Variants in FAM120A observed in about 807,000 individuals in gnomAD.
FAM120A encodes the protein family with sequence similarity 120 member A.
Under a neutral mutation model 109.7 loss-of-function variants are expected in FAM120A, and 15 were observed. The ratio of observed to expected loss-of-function variants is 0.14; its 90% CI spans 0.09 to 0.21. The LOEUF (loss-of-function observed/expected upper bound fraction) is 0.21. Among genes scored for constraint, FAM120A ranks in the 10% least tolerant of loss-of-function variants. FAM120A has a pLI of 1.00. For synonymous variants in FAM120A, 493 were observed against 572.8 expected, an observed-to-expected ratio of 0.86 and a Z score of 1.99; for missense variants, 899 against 1,439.3, an observed-to-expected ratio of 0.62 and a Z score of 6.07.
Position 93,532,915 on chromosome 9 carries a change from A to G in FAM120A, c.1909+586A>G, listed in dbSNP as rs1861384415. 6.6e-6 allele frequency among the ~76,000 whole-genome samples: 1 copy of G among 152,194 alleles called. No homozygotes were observed. Among genetic ancestry groups the G allele is most frequent in the Non-Finnish European group, 1.5e-5 (1 of 68,030 alleles). ...TCTGGGAGTGGGGGGTGCAGGTGGA[A>G]ACACTGAAAAGGATTGTTTGAAAAG... On this transcript the variant is annotated intron_variant, in intron 10 of 17. Transcript: ENST00000277165. This position sits in a 1 kb window ranked among gnomAD's most constrained non-coding sequence, Gnocchi z 4.3.
chr9:93,475,055 G>A (rs542934370), intron 2 of FAM120A, among the ~76,000 whole-genome samples: 1 of 152,336 alleles, frequency 6.6e-6, no homozygotes, highest in East Asian at 1.9e-4. Flanking sequence ...TACAGGTGGA[G>A]TGTCCCTTAT....
intron 1 of FAM120A, among the ~76,000 whole-genome samples, chr9:93,463,356 T>A (rs1857877885): frequency 6.6e-6 from 1 of 152,212 alleles, no homozygotes; most frequent in Admixed American, 6.5e-5. Flanking sequence ...CTGTACCCAA[T>A]TCTCATTTAT....
chr9:93,527,614 ATT>A (rs67894788), intron 8 of FAM120A, among the ~76,000 whole-genome samples: 16 of 80,698 alleles, frequency 2.0e-4, no homozygotes, highest in African/African-American at 3.0e-4. Context: ...TTTGTATTTA[ATT>A]TTTTTTTTTT....
intron 1 of FAM120A, among the ~76,000 whole-genome samples, chr9:93,455,034 C>T (rs1335801863): frequency 6.6e-6 from 1 of 152,214 alleles, no homozygotes; most frequent in East Asian, 1.9e-4. Context: ...AGCAATTCCA[C>T]TCCTGGGTAT....
chr9:93,547,916 C>G (rs1861946261), intron 11 of FAM120A, among the ~76,000 whole-genome samples: 1 of 152,118 alleles, frequency 6.6e-6, no homozygotes, highest in South Asian at 2.1e-4. Flanking sequence ...TTCAGAGGAC[C>G]TATGATGAGA....
intron 3 of FAM120A, among the ~76,000 whole-genome samples, chr9:93,486,448 A>C (rs1048239639): frequency 3.3e-5 from 5 of 151,692 alleles, no homozygotes; most frequent in Admixed American, 6.6e-5. Flanking sequence ...TTCATTTTCC[A>C]TGTGTATATG....
At chr9:93,513,825 G>C (rs112543622) in intron 5 of FAM120A, among the ~76,000 whole-genome samples, 7,237 of 152,272 alleles carry the variant, frequency 0.048, 247 homozygotes, top group Non-Finnish European at 0.076. Flanking sequence ...GTCTCACCAC[G>C]CCCAGTGTTG....
intron 1 of FAM120A, among the ~76,000 whole-genome samples, chr9:93,467,498 G>A (rs1320846333): frequency 3.3e-5 from 5 of 152,164 alleles, no homozygotes; most frequent in African/African-American, 1.2e-4. Flanking sequence ...CTGGGGCAGA[G>A]CTGGAGCGTA....
At chr9:93,492,463 G>A (rs1359017115) in intron 3 of FAM120A, among the ~76,000 whole-genome samples, 1 of 152,146 alleles carries the variant, frequency 6.6e-6, no homozygotes, top group Non-Finnish European at 1.5e-5. Flanking sequence ...TGGCAGGGGT[G>A]GGGTTTGTTG....
intron 7 of FAM120A, among the ~76,000 whole-genome samples, chr9:93,522,883 A>G (rs1860902902): frequency 6.6e-6 from 1 of 152,254 alleles, no homozygotes; most frequent in Non-Finnish European, 1.5e-5. Context: ...AACCACAGGA[A>G]GGCAGGCTGT....
rs775108299 is a variant in FAM120A at position 93,532,323 on chromosome 9, C to G, written c.1903C>G (p.Pro635Ala). 1 of 1,614,080 alleles carries G rather than the reference C, an allele frequency of 6.2e-7. No homozygotes were observed. Among genetic ancestry groups the G allele is most frequent in the Admixed American group, 1.7e-5 (1 of 60,024 alleles). ...RLAFRKNRLP[P>A]EFSPVIIKEW... ...TGCTTTTAGAAAGAACAGACTTCCA[C>G]CAGAATGTATGTACTGTAACAATCC... The change falls in exon 10 of 18, where the codon CCA becomes GCA. Residue 635 changes from proline to alanine, a missense_variant. Transcript: ENST00000277165. This position sits in a 1 kb window ranked among gnomAD's most constrained non-coding sequence, Gnocchi z 4.3.
intron 11 of FAM120A, among the ~76,000 whole-genome samples, chr9:93,547,927 A>G (rs1325911028): frequency 6.6e-6 from 1 of 152,090 alleles, no homozygotes; most frequent in African/African-American, 2.4e-5. Flanking sequence ...TATGATGAGA[A>G]GGGTCTAAAC....
chr9:93,496,566 A>C (rs1463496177), intron 3 of FAM120A, among the ~76,000 whole-genome samples: 1 of 152,178 alleles, frequency 6.6e-6, no homozygotes, highest in Non-Finnish European at 1.5e-5. Context: ...CGAGCATCTG[A>C]GGCCCTGTCA....
chr9:93,495,082 G>T (rs1050410308), intron 3 of FAM120A, among the ~76,000 whole-genome samples: 1 of 152,160 alleles, frequency 6.6e-6, no homozygotes, highest in Admixed American at 6.6e-5. Flanking sequence ...CTACAGGGGG[G>T]CCAGCAGCAG....
chr9:93,481,125 A>G (rs952272097), intron 3 of FAM120A, among the ~76,000 whole-genome samples: 15 of 152,236 alleles, frequency 9.9e-5, no homozygotes, highest in African/African-American at 3.1e-4. Flanking sequence ...GGTGCCCTGC[A>G]TAGCTGGTGT....
chr9:93,502,738 T>C (rs1191069964), intron 5 of FAM120A, among the ~76,000 whole-genome samples: 2 of 152,236 alleles, frequency 1.3e-5, no homozygotes, highest in East Asian at 3.8e-4. Context: ...CTGGAAATGG[T>C]TGTGATTTGT....
intron 5 of FAM120A, among the ~76,000 whole-genome samples, chr9:93,505,884 A>C (rs1199734582): frequency 8.7e-6 from 1 of 115,394 alleles, no homozygotes; most frequent in Non-Finnish European, 1.9e-5. Context: ...CTGGCACTGA[A>C]TTTTGTTTAT....
At position 93,498,684 on chromosome 9, in the gene FAM120A, T is replaced by C; in HGVS notation, c.934-106T>C. On this transcript the variant is annotated intron_variant, in intron 4 of 17. Coordinates refer to ENST00000277165, the MANE Select transcript of FAM120A (RefSeq NM_014612.5). The surrounding 1 kb of genome is among the most constrained non-coding windows in gnomAD (Gnocchi z 4.4). ...ATGTCATTCAAAATTCTTCTCTAAC[T>C]TGAAAAGCTGTAGAATATTATACAT... The C allele has an allele frequency of 1.3e-6, 1 of 754,546 alleles. No individual in the cohort carries two copies. Among genetic ancestry groups the C allele is most frequent in the African/African-American group, 1.8e-5 (1 of 57,010 alleles). 46.7% of individuals were successfully genotyped at this position (754,546 alleles called of 1,614,324 possible).
intron 1 of FAM120A, among the ~76,000 whole-genome samples, chr9:93,462,876 A>C (rs966158482): frequency 6.6e-6 from 1 of 152,220 alleles, no homozygotes; most frequent in African/African-American, 2.4e-5. Flanking sequence ...TTCCTCCTTA[A>C]GGCTCAATAA....
Sources: allele counts gnomAD v4.1 joint callset (sites outside exome capture counted in the v4.1 genomes callset), GRCh38; gene constraint gnomAD v4.1.1; non-coding constraint Gnocchi (gnomAD v3.1); transcripts MANE v1.5; gene names NCBI Gene and HGNC (gene_info 2026-07-23, HGNC 2026-07-21).